PARD3B: variants seen among roughly 807,000 people sequenced by gnomAD.
PARD3B encodes partitioning defective 3 homolog B.
Under a neutral mutation model 130.2 loss-of-function variants are expected in PARD3B, and 103 were observed. That is an observed-to-expected ratio of 0.79 (90% CI 0.67 to 0.93). The LOEUF is 0.93. Ranked by LOEUF, PARD3B falls within the 40% of genes least tolerant of loss-of-function variation. The probability of loss-of-function intolerance (pLI) is 0.00; values close to 1 mark genes in which losing one functional copy is unlikely to be tolerated. For missense variants in PARD3B, 1,609 were observed against 1,499.2 expected (o/e 1.07, Z -1.21); for synonymous variants, 583 against 553.2 (o/e 1.05, Z -0.76).
At chr2:205,539,817 G>A (rs1343809254) in intron 21 of PARD3B, among the ~76,000 whole-genome samples, 1 of 152,106 alleles carries the variant, frequency 6.6e-6, no homozygotes, top group Non-Finnish European at 1.5e-5. Context: ...TCTCCACTAG[G>A]TGGACTTCAC....
At chr2:205,535,486 G>A (rs1045958316) in intron 21 of PARD3B, among the ~76,000 whole-genome samples, 3 of 152,204 alleles carry the variant, frequency 2.0e-5, no homozygotes, top group African/African-American at 7.2e-5. Flanking sequence ...ATTGTAATCT[G>A]CATGTGAATA....
intron 14 of PARD3B, among the ~76,000 whole-genome samples, chr2:205,190,127 T>TA (rs1212781255): frequency 3.3e-5 from 5 of 152,236 alleles, no homozygotes; most frequent in African/African-American, 1.2e-4. Flanking sequence ...AGCTTGATGT[T>TA]ACTGCATCGA....
intron 22 of PARD3B, among the ~76,000 whole-genome samples, chr2:205,581,712 AT>A (rs2053997524): frequency 6.6e-6 from 1 of 152,022 alleles, no homozygotes; most frequent in Non-Finnish European, 1.5e-5. Context: ...CAAACATCAC[AT>A]GTACCCTATA....
chr2:205,398,412 G>A lies in PARD3B; in HGVS notation c.2631-2601G>A, dbSNP rs2046112313. 2.0e-5 allele frequency among the ~76,000 whole-genome samples: 3 copies of A among 152,162 alleles called. No individual in the cohort carries two copies. In the South Asian group the frequency reaches 6.2e-4, roughly 32 times the overall value. ...CAGTGAAAAAAAAGGAATAAATTCAGAAAGGGAATCAGGAAAGAGAGAAAA... is the reference window on the plus strand; with the variant it reads ...CAGTGAAAAAAAAGGAATAAATTCAAAAAGGGAATCAGGAAAGAGAGAAAA... On this transcript the variant is annotated intron_variant, in intron 18 of 22. Coordinates refer to ENST00000406610, the MANE Select transcript of PARD3B (RefSeq NM_001302769.2).
At chr2:204,684,875 G>T (rs991179232) in intron 1 of PARD3B, among the ~76,000 whole-genome samples, 1 of 152,114 alleles carries the variant, frequency 6.6e-6, no homozygotes, top group African/African-American at 2.4e-5. Context: ...ACTGTATGGA[G>T]AACTTAATTT....
At chr2:204,631,577 C>T (rs1157402758) in intron 1 of PARD3B, among the ~76,000 whole-genome samples, 2 of 152,178 alleles carry the variant, frequency 1.3e-5, no homozygotes, top group African/African-American at 4.8e-5. Context: ...GCTTGCCATT[C>T]TGTGTCTTTT....
intron 3 of PARD3B, among the ~76,000 whole-genome samples, chr2:205,037,413 T>C (rs6708039): frequency 4.1e-5 from 6 of 147,146 alleles, no homozygotes; most frequent in Non-Finnish European, 6.0e-5. Context: ...GGACTATATG[T>C]ATAAAATATA....
intron 2 of PARD3B, among the ~76,000 whole-genome samples, chr2:204,764,715 C>CGTGTGTGTGCGT (rs2041063924): frequency 1.4e-5 from 2 of 145,644 alleles, no homozygotes; most frequent in Non-Finnish European, 3.0e-5. Flanking sequence ...GGCATGCATG[C>CGTGTGTGTGCGT]GTGTGTGTGT....
chr2:204,888,383 G>A (rs543249252), intron 2 of PARD3B, among the ~76,000 whole-genome samples: 15 of 151,970 alleles, frequency 9.9e-5, no homozygotes, highest in Non-Finnish European at 1.6e-4. Context: ...AGGGAACTGT[G>A]TTGCACAAGC....
intron 2 of PARD3B, among the ~76,000 whole-genome samples, chr2:204,745,533 G>C (rs1466808788): frequency 6.6e-6 from 1 of 151,854 alleles, no homozygotes; most frequent in Non-Finnish European, 1.5e-5. Context: ...CTCCTGAGTA[G>C]CTGGGATTAC....
At chr2:205,306,474 T>G (rs1023865399) in intron 18 of PARD3B, among the ~76,000 whole-genome samples, 20 of 152,208 alleles carry the variant, frequency 1.3e-4, no homozygotes, top group Non-Finnish European at 2.6e-4. Flanking sequence ...TATCCCATTT[T>G]CTAGAATATT....
intron 2 of PARD3B, among the ~76,000 whole-genome samples, chr2:204,916,970 C>A (rs1250739226): frequency 6.6e-6 from 1 of 152,094 alleles, no homozygotes; most frequent in Admixed American, 6.5e-5. Context: ...AATCCCTGTT[C>A]TCTTGGTTTT....
At chr2:205,284,388 G>C (rs1226383980) in intron 16 of PARD3B, among the ~76,000 whole-genome samples, 1 of 152,130 alleles carries the variant, frequency 6.6e-6, no homozygotes, top group African/African-American at 2.4e-5. Flanking sequence ...TGTTAGAATA[G>C]AATATAGAAA....
At chr2:204,786,080 C>A (rs185699677) in intron 2 of PARD3B, among the ~76,000 whole-genome samples, 1 of 138,828 alleles carries the variant, frequency 7.2e-6, no homozygotes, top group Non-Finnish European at 1.5e-5. Context: ...CACCAGTGCA[C>A]ACCAGCCCAG....
At chr2:205,480,246 C>T (rs928546791) in intron 20 of PARD3B, among the ~76,000 whole-genome samples, 1 of 152,112 alleles carries the variant, frequency 6.6e-6, no homozygotes, top group Non-Finnish European at 1.5e-5. Flanking sequence ...ACACTCATTC[C>T]CTCATTAGGG....
rs769669913 is a variant in PARD3B at position 205,471,353 on chromosome 2, C to CTTTT, written c.3045-28523_3045-28520dup. On this transcript the variant is annotated intron_variant, in intron 20 of 22. Coordinates refer to ENST00000406610, the MANE Select transcript of PARD3B (RefSeq NM_001302769.2). ...ACACTATCAGTGCAAACTCACTTTT[C>CTTTT]TTTTTTTTTTTTTTTTTTTTTTTCT... is the stretch of plus-strand genomic sequence containing the variant. Among the ~76,000 whole-genome samples, 196 of 85,404 alleles carry CTTTT rather than the reference C, an allele frequency of 2.3e-3. 6 individuals are homozygous for CTTTT. The highest frequency in any genetic ancestry group is 3.1e-3 in the African/African-American group (67 of 21,380). The allele number at this position is 85,404 out of a possible 152,430, so 56.0% of individuals were successfully genotyped here.
chr2:205,242,984 T>C (rs866135788), intron 15 of PARD3B, among the ~76,000 whole-genome samples: 38 of 152,196 alleles, frequency 2.5e-4, no homozygotes, highest in Admixed American at 1.9e-3. Context: ...CTGACCAACA[T>C]GGAGAAACCC....
Position 205,440,851 on chromosome 2 carries a change from A to G in PARD3B, c.3044+179A>G, listed in dbSNP as rs570720438. Among the ~76,000 whole-genome samples the G allele has an allele frequency of 7.2e-5, 11 of 152,322 alleles. No individual in the cohort carries two copies. The South Asian group carries it at 2.3e-3, about 32-fold the overall frequency. On this transcript the variant is annotated intron_variant, in intron 20 of 22. Transcript: ENST00000406610. The surrounding 1 kb of genome is among the most constrained non-coding windows in gnomAD (Gnocchi z 4.2). Reference sequence around the variant, plus strand: ...GATATCCACCATCAAAAATAAAACAATAGCCAATTGTAAGGTGGCATGAAT... The same window carrying G: ...GATATCCACCATCAAAAATAAAACAGTAGCCAATTGTAAGGTGGCATGAAT...
intron 2 of PARD3B, among the ~76,000 whole-genome samples, chr2:204,928,483 C>T (rs939895006): frequency 1.3e-5 from 2 of 152,100 alleles, no homozygotes; most frequent in African/African-American, 4.8e-5. Context: ...ATCAATTTAA[C>T]ACAAAAGACA....
Sources: gnomAD v4.1 joint callset for allele counts (sites outside exome capture counted in the v4.1 genomes callset) on GRCh38, gnomAD v4.1.1 for gene constraint, Gnocchi (gnomAD v3.1) non-coding constraint, MANE v1.5 for transcripts, NCBI Gene and HGNC (gene_info 2026-07-23, HGNC 2026-07-21) for gene names.